The following PI4K2B variants were observed in gnomAD, a reference collection of about 807,000 sequenced individuals.
PI4K2B encodes the protein phosphatidylinositol 4-kinase type 2-beta.
A neutral mutation model predicts 56.6 loss-of-function variants in PI4K2B; 46 were observed. The ratio of observed to expected loss-of-function variants is 0.81; its 90% confidence interval spans 0.64 to 1.04. The LOEUF (loss-of-function observed/expected upper bound fraction) is 1.04. PI4K2B is among the 50% of genes least tolerant of loss of function. The pLI is 0.00. For missense variants in PI4K2B, 556 were observed against 607.7 expected (o/e 0.91, Z 0.89); for synonymous variants, 211 against 223.8 (o/e 0.94, Z 0.51).
intron 1 of PI4K2B, among the ~76,000 whole-genome samples, chr4:25,249,546 C>A (rs1297894262): frequency 7.0e-6 from 1 of 142,246 alleles, no homozygotes; most frequent in Non-Finnish European, 1.5e-5. Flanking sequence ...CCAGATGGGG[C>A]GGCTGCCGGG....
At chr4:25,266,726 GT>G (rs936765110) in intron 7 of PI4K2B, among the ~76,000 whole-genome samples, 11 of 152,140 alleles carry the variant, frequency 7.2e-5, no homozygotes, top group African/African-American at 2.7e-4. Context: ...TGGGGATATA[GT>G]TTTTATTTCT....
chr4:25,236,419 C>G (rs536993145), intron 1 of PI4K2B, among the ~76,000 whole-genome samples: 11 of 151,770 alleles, frequency 7.2e-5, no homozygotes, highest in Admixed American at 3.3e-4. Flanking sequence ...GGCATGGTGG[C>G]GGGCGCCTGC....
chr4:25,234,375 T>G lies in PI4K2B; in HGVS notation c.212T>G (p.Val71Gly). The G allele has an allele frequency of 7.1e-7, 1 of 1,403,402 alleles. No individual in the cohort carries two copies. The highest frequency in any genetic ancestry group is 9.3e-7 in the Non-Finnish European group (1 of 1,077,606). 86.9% of individuals were successfully genotyped at this position (1,403,402 alleles called of 1,614,324 possible). Residue 71 changes from valine (V) to glycine (G), a missense_variant, in exon 1 of 10, where the codon GTG (valine) becomes GGG (glycine). Transcript: ENST00000264864. ...DEELPLPPGD[V>G]GVSRSSSAEL... is the part of the protein sequence containing the mutation. Reference sequence around the variant, plus strand: ...GAGCTGCCCCTCCCGCCCGGGGACGTGGGGGTCTCCCGGAGTTCGTCCGCC... The same window carrying G: ...GAGCTGCCCCTCCCGCCCGGGGACGGGGGGGTCTCCCGGAGTTCGTCCGCC...
In PI4K2B at chr4:25,277,068, C is replaced by G; in HGVS notation, c.1327C>G (p.Gln443Glu). The change falls in exon 10 of 10, where the codon CAG becomes GAG. Residue 443 changes from glutamine (Q) to glutamate (E), a missense_variant. Transcript: ENST00000264864. ...CGGGAAGAGTCCTTTCCAGCTAGTACAGATACCTTGTGTGATTGTGGAACG... is the reference window on the plus strand; with the variant it reads ...CGGGAAGAGTCCTTTCCAGCTAGTAGAGATACCTTGTGTGATTGTGGAACG... ...RDGKSPFQLVQIPCVIVERSQ... is the reference protein window; with the variant it reads ...RDGKSPFQLVEIPCVIVERSQ... 1.2e-6 allele frequency: 2 copies of G among 1,613,304 alleles called. No homozygotes were observed. The highest frequency in any genetic ancestry group is 1.7e-6 in the Non-Finnish European group (2 of 1,179,412).
chr4:25,259,281 C>G, intron 5 of PI4K2B, 91 bp downstream of exon 5: 1 of 908,462 alleles, frequency 1.1e-6, no homozygotes, highest in Admixed American at 2.4e-5. Context: ...ACTTTTGTTG[C>G]AGAAGTCTTG....
intron 2 of PI4K2B, among the ~76,000 whole-genome samples, chr4:25,252,760 G>A (rs929040728): frequency 4.6e-5 from 7 of 152,048 alleles, no homozygotes; most frequent in East Asian, 1.9e-4. Context: ...CCATAGTTGC[G>A]TGCCACCACA....
At chr4:25,276,362 A>G (rs1717093161) in intron 9 of PI4K2B, 1 of 321,022 alleles carries the variant, frequency 3.1e-6, no homozygotes, top group Non-Finnish European at 4.5e-6. Context: ...AAACTCTTAA[A>G]TGTACCTTTA....
At position 25,238,717 on chromosome 4, in the gene PI4K2B, G is replaced by T. The variant is rs1382100248; in HGVS notation, c.268+4286G>T. 2.0e-5 allele frequency among the ~76,000 whole-genome samples: 3 copies of T among 152,174 alleles called. No homozygotes were observed. The East Asian group carries it at 5.8e-4, about 29-fold the overall frequency. On this transcript the variant is annotated intron_variant, in intron 1 of 9. Transcript: ENST00000264864. ...TCTCGCTGGCTTCAGGAGTGAAGCT[G>T]CAGACCTTTGCGGTGAGTGTTACAG...
intron 7 of PI4K2B, among the ~76,000 whole-genome samples, chr4:25,267,002 G>A (rs1309181048): frequency 2.6e-5 from 4 of 152,148 alleles, no homozygotes; most frequent in Non-Finnish European, 5.9e-5. Context: ...GGAAAAACTA[G>A]CAAAAGAGAG....
intron 9 of PI4K2B, chr4:25,276,320 T>G (rs1316845836): frequency 5.3e-6 from 2 of 377,926 alleles, no homozygotes; most frequent in Non-Finnish European, 7.3e-6. Flanking sequence ...GTAATATATT[T>G]TACTTTCCCT....
intron 1 of PI4K2B, among the ~76,000 whole-genome samples, chr4:25,249,844 G>A (rs898700798): frequency 3.3e-5 from 5 of 152,170 alleles, no homozygotes; most frequent in Non-Finnish European, 5.9e-5. Flanking sequence ...CTGCAATCTC[G>A]GCACTTTGGG....
chr4:25,234,378 G>C lies in PI4K2B; in HGVS notation c.215G>C (p.Gly72Ala). 2.1e-6 allele frequency: 3 copies of C among 1,403,048 alleles called. No individual in the cohort carries two copies. Among genetic ancestry groups the C allele is most frequent in the Non-Finnish European group, 2.8e-6 (3 of 1,077,628 alleles). 86.9% of individuals were successfully genotyped at this position (1,403,048 alleles called of 1,614,324 possible). Residue 72 changes from glycine to alanine, a missense_variant, in exon 1 of 10, where the codon GGG (glycine) becomes GCG (alanine). Transcript: ENST00000264864. ...CTGCCCCTCCCGCCCGGGGACGTGG[G>C]GGTCTCCCGGAGTTCGTCCGCCGAG... ...EELPLPPGDV[G>A]VSRSSSAELD...
Position 25,255,088 on chromosome 4 carries a change from C to T in PI4K2B, c.447C>T (p.Pro149=), listed in dbSNP as rs764204551. 1 of 1,613,372 alleles carries T rather than the reference C, an allele frequency of 6.2e-7. No individual in the cohort carries two copies. Among genetic ancestry groups the T allele is most frequent in the Non-Finnish European group, 8.5e-7 (1 of 1,179,442 alleles). The stretch of plus-strand genomic sequence containing the variant: ...AGAAAATTATTGGTGTGTTTAAACC[C>T]AAATCAGAAGAGCCTTATGGTCAAC... ...PKRKIIGVFK[P]KSEEPYGQLN... Residue 149 remains proline (P), a synonymous_variant, in exon 3 of 10, where the codon CCC becomes CCT. Coordinates refer to ENST00000264864, the MANE Select transcript of PI4K2B (RefSeq NM_018323.4).
intron 7 of PI4K2B, among the ~76,000 whole-genome samples, chr4:25,266,399 G>GT (rs113474992): frequency 1.3e-5 from 2 of 152,208 alleles, no homozygotes; most frequent in South Asian, 2.1e-4. Flanking sequence ...ATACTTAGCT[G>GT]TTTTTTTAAC....
At chr4:25,237,493 C>A (rs530629348) in intron 1 of PI4K2B, among the ~76,000 whole-genome samples, 2 of 152,186 alleles carry the variant, frequency 1.3e-5, no homozygotes, top group African/African-American at 4.8e-5. Context: ...TCCTGCCTCA[C>A]CCTCCCAAGT....
chr4:25,242,186 C>T (rs1036086288), intron 1 of PI4K2B, among the ~76,000 whole-genome samples: 3 of 152,184 alleles, frequency 2.0e-5, no homozygotes, highest in South Asian at 2.1e-4. Context: ...GACCTAGACA[C>T]CTTGTACCCT....
At chr4:25,262,368 A>T (rs898576381) in intron 6 of PI4K2B, among the ~76,000 whole-genome samples, 11 of 152,176 alleles carry the variant, frequency 7.2e-5, no homozygotes, top group Admixed American at 5.2e-4. Context: ...AAAGATAATT[A>T]AATAACATAA....
chr4:25,234,062 T>G lies in PI4K2B; in HGVS notation c.-102T>G. 1 of 1,014,826 alleles carries G rather than the reference T, an allele frequency of 9.9e-7. No homozygotes were observed. The highest frequency in any genetic ancestry group is 1.3e-6 in the Non-Finnish European group (1 of 790,020). 62.9% of individuals were successfully genotyped at this position (1,014,826 alleles called of 1,614,324 possible). A position where few individuals can be genotyped will look rare whatever the true frequency, so the allele number is the denominator to read the frequency against. On this transcript the variant is annotated 5_prime_UTR_variant, in exon 1 of 10. Coordinates refer to ENST00000264864, the MANE Select transcript of PI4K2B (RefSeq NM_018323.4). ...GTGCCCGTGCGCTGGTGAGGTGGCG[T>G]CCGTTCTACCCGGTCGCTCCCGTTC...
chr4:25,246,965 G>T (rs34634863), intron 1 of PI4K2B, among the ~76,000 whole-genome samples: 1 of 152,198 alleles, frequency 6.6e-6, no homozygotes, highest in Non-Finnish European at 1.5e-5. Context: ...TGCAAGCGCC[G>T]CATGCAGCTC....
Sources: gnomAD v4.1 joint callset for allele counts (sites outside exome capture counted in the v4.1 genomes callset) on GRCh38, gnomAD v4.1.1 for gene constraint, MANE v1.5 for transcripts, NCBI Gene and HGNC (gene_info 2026-07-23, HGNC 2026-07-21) for gene names.